The following CCDC148 variants were observed in gnomAD, a reference collection of about 807,000 sequenced individuals.
CCDC148 encodes coiled-coil domain containing 148, also known as coiled-coil domain-containing protein 148.
A neutral mutation model predicts 85.7 loss-of-function variants in CCDC148; 89 were observed. The observed-to-expected ratio is 1.04, with a 90% CI of 0.87 to 1.24. CCDC148 has a LOEUF of 1.24. Ranked by LOEUF, CCDC148 falls within the 50% of genes most tolerant of loss-of-function variation. The pLI is 0.00. For synonymous variants in CCDC148, 230 were observed against 213.9 expected (o/e 1.08, Z -0.66); for missense variants, 692 against 671.7 (o/e 1.03, Z -0.33).
At chr2:158,337,855 C>G (rs1240983830) in intron 7 of CCDC148, among the ~76,000 whole-genome samples, 1 of 152,128 alleles carries the variant, frequency 6.6e-6, no homozygotes, top group Non-Finnish European at 1.5e-5. Context: ...TAGTTTCATA[C>G]AGAGGAGCTG....
chr2:158,341,082 C>T (rs879777641), intron 3 of CCDC148, among the ~76,000 whole-genome samples: 1 of 152,040 alleles, frequency 6.6e-6, no homozygotes, highest in South Asian at 2.1e-4. Flanking sequence ...TCTAGACCAA[C>T]AAGGAGGTAA....
At chr2:158,434,826 A>C (rs1279336814) in intron 1 of CCDC148, among the ~76,000 whole-genome samples, 1 of 152,218 alleles carries the variant, frequency 6.6e-6, no homozygotes, top group Non-Finnish European at 1.5e-5. Flanking sequence ...ACTACTTGAC[A>C]CATGCACAAG....
At chr2:158,193,724 T>C (rs955842396) in intron 11 of CCDC148, among the ~76,000 whole-genome samples, 1 of 152,082 alleles carries the variant, frequency 6.6e-6, no homozygotes, top group Non-Finnish European at 1.5e-5. Context: ...TTGGAGTATA[T>C]AAGGCTTTAT....
At chr2:158,334,037 G>GC (rs778272292) in intron 7 of CCDC148, among the ~76,000 whole-genome samples, 1 of 152,082 alleles carries the variant, frequency 6.6e-6, no homozygotes, top group Non-Finnish European at 1.5e-5. Context: ...TTCTCCTGCT[G>GC]CCAGAAGCAA....
At chr2:158,432,338 C>T (rs1687394915) in intron 1 of CCDC148, among the ~76,000 whole-genome samples, 1 of 151,726 alleles carries the variant, frequency 6.6e-6, no homozygotes, top group Non-Finnish European at 1.5e-5. Context: ...GATTGTCAAA[C>T]ATGATAAAAA....
At chr2:158,270,543 A>G (rs186736421) in intron 9 of CCDC148, among the ~76,000 whole-genome samples, 73 of 152,328 alleles carry the variant, frequency 4.8e-4, no homozygotes, top group African/African-American at 1.7e-3. Context: ...CATATAGAGA[A>G]CAATTCATAG....
intron 7 of CCDC148, among the ~76,000 whole-genome samples, chr2:158,333,493 G>A (rs1693256912): frequency 6.6e-6 from 1 of 152,114 alleles, no homozygotes; most frequent in Non-Finnish European, 1.5e-5. Flanking sequence ...CGCATATTTT[G>A]TTGATTTGGG....
At chr2:158,212,645 G>A (rs1678063092) in intron 11 of CCDC148, among the ~76,000 whole-genome samples, 1 of 152,064 alleles carries the variant, frequency 6.6e-6, no homozygotes, top group African/African-American at 2.4e-5. Flanking sequence ...ACAGGAAAAT[G>A]CTGTTATTTG....
At chr2:158,247,269 A>G (rs1403514229) in intron 10 of CCDC148, among the ~76,000 whole-genome samples, 2 of 152,208 alleles carry the variant, frequency 1.3e-5, no homozygotes, top group African/African-American at 4.8e-5. Context: ...TCATGGAAAT[A>G]CAAATTAAAA....
chr2:158,422,061 G>A (rs145563530), intron 1 of CCDC148, among the ~76,000 whole-genome samples: 26,860 of 152,030 alleles, frequency 0.18, 3,097 homozygotes, highest in Middle Eastern at 0.25. Context: ...TCCTTGAATA[G>A]ACCAATAACA....
intron 9 of CCDC148, among the ~76,000 whole-genome samples, chr2:158,306,355 T>C (rs947457405): frequency 3.3e-5 from 5 of 151,798 alleles, no homozygotes; most frequent in Non-Finnish European, 7.4e-5. Flanking sequence ...ACCCCATCTC[T>C]ACTAAAAAAA....
intron 1 of CCDC148, among the ~76,000 whole-genome samples, chr2:158,368,146 G>GT (rs1203245967): frequency 6.6e-6 from 1 of 152,078 alleles, no homozygotes; most frequent in African/African-American, 2.4e-5. Flanking sequence ...GACCCAAACT[G>GT]AAGTTTACAC....
At chr2:158,318,712 T>G (rs1278315860) in intron 7 of CCDC148, among the ~76,000 whole-genome samples, 2 of 151,992 alleles carry the variant, frequency 1.3e-5, no homozygotes, top group African/African-American at 4.8e-5. Context: ...GAAACATCCA[T>G]CCAGCAGTAG....
At chr2:158,379,779 A>G (rs1367636685) in intron 1 of CCDC148, among the ~76,000 whole-genome samples, 1 of 152,164 alleles carries the variant, frequency 6.6e-6, no homozygotes, top group Non-Finnish European at 1.5e-5. Flanking sequence ...TAAGATATGT[A>G]CATTATTTTT....
chr2:158,192,467 C>T (rs1325649009), intron 11 of CCDC148, among the ~76,000 whole-genome samples: 1 of 150,052 alleles, frequency 6.7e-6, no homozygotes, highest in East Asian at 1.9e-4. Flanking sequence ...CTAAGCAAAT[C>T]ATGGTGTAGG....
At chr2:158,311,388 G>A (rs1032042753) in intron 8 of CCDC148, among the ~76,000 whole-genome samples, 2 of 152,194 alleles carry the variant, frequency 1.3e-5, no homozygotes, top group Non-Finnish European at 2.9e-5. Context: ...GGAGAATCAG[G>A]CAGGGAAGTT....
intron 1 of CCDC148, among the ~76,000 whole-genome samples, chr2:158,428,905 GA>G (rs1294330007): frequency 6.6e-6 from 1 of 152,108 alleles, no homozygotes; most frequent in Non-Finnish European, 1.5e-5. Flanking sequence ...ATCAATGATA[GA>G]CTGGATTAAG....
intron 7 of CCDC148, among the ~76,000 whole-genome samples, chr2:158,318,173 T>C (rs1692364447): frequency 6.6e-6 from 1 of 152,178 alleles, no homozygotes; most frequent in South Asian, 2.1e-4. Flanking sequence ...TATAAATCTG[T>C]CTGATTTTCA....
At chr2:158,343,179 C>T (rs1371126719) in intron 3 of CCDC148, among the ~76,000 whole-genome samples, 1 of 152,070 alleles carries the variant, frequency 6.6e-6, no homozygotes, top group Admixed American at 6.6e-5. Context: ...ACCACCACAC[C>T]CTGGCAAAAT....
Sources: allele counts gnomAD v4.1 joint callset (sites outside exome capture counted in the v4.1 genomes callset), GRCh38; gene constraint gnomAD v4.1.1; transcripts MANE v1.5; gene names NCBI Gene and HGNC (gene_info 2026-07-23, HGNC 2026-07-21).